CNTNAP2: variants seen among roughly 807,000 people sequenced by gnomAD.
CNTNAP2 encodes contactin-associated protein-like 2.
Under a neutral mutation model 155.2 loss-of-function variants are expected in CNTNAP2, and 98 were observed. That is an observed-to-expected ratio of 0.63 (90% CI 0.54 to 0.75). The LOEUF is 0.75. Among genes scored for constraint, CNTNAP2 ranks in the 30% least tolerant of loss-of-function variants. CNTNAP2 has a pLI of 0.00. For synonymous variants in CNTNAP2, 651 were observed against 631.2 expected (o/e 1.03, Z -0.47); for missense variants, 1,727 against 1,688.1 (o/e 1.02, Z -0.40).
rs1480290588 is a variant in CNTNAP2, at chr7:147,271,767, T to A, written c.1349-28374T>A. On this transcript the variant is annotated intron_variant, in intron 8 of 23. Transcript: ENST00000361727. ...GAACCACCCCCATGATTCAGCGATC[T>A]CCTACCGGGTGCCTCCTATAACACT... 1.8e-4 allele frequency among the ~76,000 whole-genome samples: 27 copies of A among 152,274 alleles called. No homozygotes were observed. The East Asian group carries it at 5.0e-3, about 28-fold the overall frequency.
At chr7:147,608,335 C>T (rs193056961) in intron 12 of CNTNAP2, among the ~76,000 whole-genome samples, 10 of 151,906 alleles carry the variant, frequency 6.6e-5, no homozygotes, top group African/African-American at 1.9e-4. Flanking sequence ...TCAAATTCCA[C>T]AGGGGTCTAT....
intron 1 of CNTNAP2, among the ~76,000 whole-genome samples, chr7:146,149,202 C>CA (rs984879096): frequency 5.4e-5 from 8 of 149,364 alleles, no homozygotes; most frequent in Non-Finnish European, 1.0e-4. Flanking sequence ...ATTTGGACCA[C>CA]AAAAAAAAAT....
At chr7:147,730,129 A>G (rs1001106192) in intron 13 of CNTNAP2, among the ~76,000 whole-genome samples, 2 of 152,128 alleles carry the variant, frequency 1.3e-5, no homozygotes, top group African/African-American at 2.4e-5. Context: ...TTTATCTTCA[A>G]TCTGTCCACA....
chr7:146,690,058 A>G (rs1485378238), intron 1 of CNTNAP2, among the ~76,000 whole-genome samples: 1 of 152,018 alleles, frequency 6.6e-6, no homozygotes, highest in Non-Finnish European at 1.5e-5. Flanking sequence ...AGCCACACAC[A>G]CAATTTTTCT....
intron 8 of CNTNAP2, among the ~76,000 whole-genome samples, chr7:147,153,695 G>A (rs990220431): frequency 6.6e-6 from 1 of 152,148 alleles, no homozygotes; most frequent in Non-Finnish European, 1.5e-5. Context: ...GTAAGGCTGA[G>A]CACACAAAAG....
At chr7:148,064,419 G>A (rs1289594726) in intron 15 of CNTNAP2, among the ~76,000 whole-genome samples, 1 of 151,790 alleles carries the variant, frequency 6.6e-6, no homozygotes, top group Non-Finnish European at 1.5e-5. Flanking sequence ...CCTAGCCAGA[G>A]CAATCAGATA....
chr7:147,333,805 A>G (rs1484336975), intron 9 of CNTNAP2, among the ~76,000 whole-genome samples: 1 of 152,182 alleles, frequency 6.6e-6, no homozygotes, highest in East Asian at 1.9e-4. Flanking sequence ...GGTGATTTTT[A>G]GCAAATAGAA....
At chr7:146,326,405 C>A (rs924227929) in intron 1 of CNTNAP2, among the ~76,000 whole-genome samples, 1 of 152,114 alleles carries the variant, frequency 6.6e-6, no homozygotes, top group Non-Finnish European at 1.5e-5. Flanking sequence ...CTGAATGCTC[C>A]TGAATCTTTA....
intron 1 of CNTNAP2, among the ~76,000 whole-genome samples, chr7:146,757,745 A>G (rs1442480314): frequency 3.3e-5 from 5 of 152,192 alleles, no homozygotes; most frequent in Non-Finnish European, 7.4e-5. Flanking sequence ...ATGAGATTGC[A>G]GCCATCTCTT....
chr7:147,150,824 A>G (rs1801811111), intron 8 of CNTNAP2, among the ~76,000 whole-genome samples: 1 of 152,232 alleles, frequency 6.6e-6, no homozygotes, highest in Admixed American at 6.5e-5. Context: ...TGTATAATAA[A>G]GAAAATAAAC....
chr7:147,722,132 C>A (rs1053281875), intron 13 of CNTNAP2, among the ~76,000 whole-genome samples: 1 of 152,202 alleles, frequency 6.6e-6, no homozygotes, highest in Admixed American at 6.5e-5. Context: ...CCCAAACCAT[C>A]AGCGTGCCCT....
chr7:147,317,258 T>C (rs1272643169), intron 9 of CNTNAP2, among the ~76,000 whole-genome samples: 3 of 152,242 alleles, frequency 2.0e-5, no homozygotes, highest in Non-Finnish European at 2.9e-5. Context: ...CCTCTTTCAA[T>C]CTATCTTCCA....
chr7:146,803,976 C>A (rs138192278), intron 2 of CNTNAP2, among the ~76,000 whole-genome samples: 215 of 152,224 alleles, frequency 1.4e-3, no homozygotes, highest in African/African-American at 4.6e-3. Flanking sequence ...TTCTTTGAGG[C>A]TAAAGTTTGA....
chr7:146,623,095 T>A (rs1236941556), intron 1 of CNTNAP2, among the ~76,000 whole-genome samples: 1 of 152,138 alleles, frequency 6.6e-6, no homozygotes, highest in Non-Finnish European at 1.5e-5. Flanking sequence ...GGAGAATAAC[T>A]TTGTCAAACA....
chr7:146,899,588 G>T (rs1410447143), intron 3 of CNTNAP2, among the ~76,000 whole-genome samples: 1 of 152,112 alleles, frequency 6.6e-6, no homozygotes, highest in Non-Finnish European at 1.5e-5. Context: ...AAAACAGGTT[G>T]GTGTCATGGC....
At chr7:147,460,182 G>C (rs1371841649) in intron 10 of CNTNAP2, among the ~76,000 whole-genome samples, 1 of 152,066 alleles carries the variant, frequency 6.6e-6, no homozygotes, top group Non-Finnish European at 1.5e-5. Flanking sequence ...GCTCCACAGA[G>C]AGCGGCCAGG....
chr7:146,997,390 G>A (rs925080979), intron 3 of CNTNAP2, among the ~76,000 whole-genome samples: 24 of 152,052 alleles, frequency 1.6e-4, no homozygotes, highest in African/African-American at 5.8e-4. Context: ...TTCGCATATG[G>A]TAAGCCATCC....
At chr7:146,885,534 T>C (rs770156276) in intron 3 of CNTNAP2, among the ~76,000 whole-genome samples, 6 of 152,150 alleles carry the variant, frequency 3.9e-5, no homozygotes, top group Non-Finnish European at 8.8e-5. Flanking sequence ...TTCCTCTAGT[T>C]TGTCCTTAAA....
chr7:148,283,688 G>C lies in CNTNAP2; in HGVS notation c.3475+16562G>C, dbSNP rs116571881. ...TTGTGTTTTTATTGGTGATTTTACT[G>C]TATAAAATGGCCCCTAAGTGGAGTG... On this transcript the variant is annotated intron_variant, in intron 21 of 23. Coordinates refer to ENST00000361727, the MANE Select transcript of CNTNAP2 (RefSeq NM_014141.6). 3.6e-3 allele frequency among the ~76,000 whole-genome samples: 542 copies of C among 152,128 alleles called. 5 individuals carry two copies. Among genetic ancestry groups the C allele is most frequent in the African/African-American group, 0.012 (510 of 41,492 alleles).
Sources: gnomAD v4.1 joint callset for allele counts (sites outside exome capture counted in the v4.1 genomes callset) on GRCh38, gnomAD v4.1.1 for gene constraint, MANE v1.5 for transcripts, NCBI Gene and HGNC (gene_info 2026-07-23, HGNC 2026-07-21) for gene names.